The following PRR16 variants were observed in gnomAD, a reference collection of about 807,000 sequenced individuals.
PRR16 encodes the protein protein Largen.
Under a neutral mutation model 18.2 loss-of-function variants are expected in PRR16, and 6 were observed. The ratio of observed to expected loss-of-function variants is 0.33; its 90% CI spans 0.18 to 0.65. PRR16 has a LOEUF of 0.65. PRR16 is among the 30% of genes least tolerant of loss of function. PRR16 has a pLI of 0.74. For synonymous variants in PRR16, 151 were observed against 147.8 expected (o/e 1.02, Z -0.16); for missense variants, 412 against 376.6 (o/e 1.09, Z -0.78).
chr5:120,694,495 T>C, the PRR16 span, among the ~76,000 whole-genome samples: 1 of 151,922 alleles, frequency 6.6e-6, no homozygotes, highest in Non-Finnish European at 1.5e-5. Context: ...CCATCCTGGC[T>C]AACACGGTGA....
chr5:120,785,844 C>T, the PRR16 span, among the ~76,000 whole-genome samples: 2 of 151,700 alleles, frequency 1.3e-5, no homozygotes, highest in African/African-American at 2.4e-5. Context: ...GCTGGGATTA[C>T]AGATGTGAGC....
intron 1 of PRR16, among the ~76,000 whole-genome samples, chr5:120,498,311 T>TTA (rs1048443828): frequency 6.7e-6 from 1 of 148,936 alleles, no homozygotes; most frequent in Admixed American, 6.7e-5. Flanking sequence ...AATACCTATG[T>TTA]TATATATATA....
At chr5:120,510,072 C>T (rs997010601) in intron 1 of PRR16, among the ~76,000 whole-genome samples, 8 of 152,078 alleles carry the variant, frequency 5.3e-5, no homozygotes, top group Non-Finnish European at 1.2e-4. Flanking sequence ...GTTAAAGGTC[C>T]TTAGGTTAGA....
chr5:120,607,560 TA>T (rs1754194907), intron 1 of PRR16, among the ~76,000 whole-genome samples: 1 of 152,198 alleles, frequency 6.6e-6, no homozygotes, highest in Admixed American at 6.5e-5. Flanking sequence ...ACCCTTGATC[TA>T]TGCTTCATTA....
the PRR16 span, among the ~76,000 whole-genome samples, chr5:120,733,299 T>C: frequency 2.0e-5 from 3 of 152,006 alleles, no homozygotes; most frequent in Non-Finnish European, 4.4e-5. Context: ...TACAGGAGTG[T>C]GCCATCATGC....
intron 1 of PRR16, among the ~76,000 whole-genome samples, chr5:120,604,826 G>T (rs1387102284): frequency 6.6e-6 from 1 of 152,112 alleles, no homozygotes; most frequent in Non-Finnish European, 1.5e-5. Context: ...TTCTTTGTTG[G>T]AATGCTTTTT....
intron 1 of PRR16, among the ~76,000 whole-genome samples, chr5:120,600,709 G>T (rs981913857): frequency 6.6e-6 from 1 of 151,564 alleles, no homozygotes; most frequent in East Asian, 1.9e-4. Flanking sequence ...GTAGTTTTCC[G>T]GCCCACATCC....
rs1482573053 is a variant in PRR16 at position 120,665,141 on chromosome 5, T to A, written c.160-20813T>A. Among the ~76,000 whole-genome samples the A allele has an allele frequency of 3.3e-5, 4 of 121,330 alleles. 1 individual carries two copies. The highest frequency in any genetic ancestry group is 2.5e-4 in the Admixed American group (3 of 12,172). 79.6% of individuals were successfully genotyped at this position (121,330 alleles called of 152,430 possible). A position where few individuals can be genotyped will look rare whatever the true frequency, so the allele number is the denominator to read the frequency against. On this transcript the variant is annotated intron_variant, in intron 1 of 1. Transcript: ENST00000407149. ...CTGTTGTTTCCTGACTTTTTAATGA[T>A]CTCCATTCTAACTGGTGTGAGATGG...
chr5:120,702,736 G>T, the PRR16 span, among the ~76,000 whole-genome samples: 1 of 152,174 alleles, frequency 6.6e-6, no homozygotes, highest in Non-Finnish European at 1.5e-5. Flanking sequence ...GAAGGGAGAG[G>T]TTGAAGAGTG....
At chr5:120,524,641 A>G (rs1022784317) in intron 1 of PRR16, among the ~76,000 whole-genome samples, 4 of 152,128 alleles carry the variant, frequency 2.6e-5, no homozygotes, top group African/African-American at 9.7e-5. Context: ...ACTTCAGTTA[A>G]CAAGAATTCA....
chr5:120,717,208 C>T, the PRR16 span, among the ~76,000 whole-genome samples: 2 of 152,108 alleles, frequency 1.3e-5, no homozygotes, highest in African/African-American at 4.8e-5. Context: ...AGTACAAACA[C>T]TTTAAGGTTT....
the PRR16 span, among the ~76,000 whole-genome samples, chr5:120,719,073 A>G: frequency 2.0e-5 from 3 of 152,126 alleles, no homozygotes; most frequent in Non-Finnish European, 4.4e-5. Flanking sequence ...AATTTTCTTC[A>G]GTGCATTAAG....
intron 1 of PRR16, among the ~76,000 whole-genome samples, chr5:120,538,808 T>C (rs1480301212): frequency 6.6e-6 from 1 of 152,238 alleles, no homozygotes; most frequent in Admixed American, 6.5e-5. Flanking sequence ...CACTGCTCTC[T>C]TTCCCAGTAG....
At chr5:120,750,050 A>T in the PRR16 span, among the ~76,000 whole-genome samples, 1 of 152,096 alleles carries the variant, frequency 6.6e-6, no homozygotes, top group East Asian at 1.9e-4. Flanking sequence ...ATTCTCTAAA[A>T]TTTTTTCATT....
intron 1 of PRR16, among the ~76,000 whole-genome samples, chr5:120,580,537 C>T (rs1313383984): frequency 1.3e-5 from 2 of 150,418 alleles, no homozygotes; most frequent in Middle Eastern, 6.8e-3. Flanking sequence ...TCACTGCAAG[C>T]TCCACCTCCC....
At chr5:120,512,908 T>C (rs1750875685) in intron 1 of PRR16, among the ~76,000 whole-genome samples, 2 of 152,094 alleles carry the variant, frequency 1.3e-5, no homozygotes, top group South Asian at 4.1e-4. Context: ...TAGATAAGCA[T>C]AATGAAGGTG....
chr5:120,503,889 G>GACA, intron 1 of PRR16, among the ~76,000 whole-genome samples: 1 of 151,280 alleles, frequency 6.6e-6, no homozygotes, highest in Non-Finnish European at 1.5e-5. Flanking sequence ...AACATGCAGT[G>GACA]TTTGGTTTTT....
intron 1 of PRR16, among the ~76,000 whole-genome samples, chr5:120,522,558 A>C (rs1751219762): frequency 6.6e-6 from 1 of 152,114 alleles, no homozygotes; most frequent in South Asian, 2.1e-4. Flanking sequence ...AGTTCTTTGT[A>C]GATTCTGGAT....
chr5:120,619,722 TG>T (rs1245770220), intron 1 of PRR16, among the ~76,000 whole-genome samples: 1 of 152,242 alleles, frequency 6.6e-6, no homozygotes, highest in African/African-American at 2.4e-5. Context: ...TTATCATTTT[TG>T]TCAAACCAAA....
Sources: allele counts gnomAD v4.1 joint callset (sites outside exome capture counted in the v4.1 genomes callset), GRCh38; gene constraint gnomAD v4.1.1; transcripts MANE v1.5; gene names NCBI Gene and HGNC (gene_info 2026-07-23, HGNC 2026-07-21).